LAMA2: variants seen among roughly 807,000 people sequenced by gnomAD.
LAMA2 encodes the protein laminin subunit alpha-2.
In LAMA2, 269 loss-of-function variants were observed where a neutral mutation model predicts 364.8. The observed-to-expected ratio is 0.74, with a 90% CI of 0.67 to 0.82. LAMA2 has a LOEUF of 0.82. Ranked by LOEUF, LAMA2 falls within the 40% of genes least tolerant of loss-of-function variation. The pLI, the probability that LAMA2 is intolerant of heterozygous loss-of-function variation, is 0.00. For missense variants in LAMA2, 3,807 were observed against 3,873.2 expected (o/e 0.98, Z 0.45); for synonymous variants, 1,379 against 1,370.6 (o/e 1.01, Z -0.14).
Position 129,366,221 on chromosome 6 carries a change from T to G in LAMA2, c.4720T>G (p.Cys1574Gly). 6.2e-7 allele frequency: 1 copy of G among 1,613,832 alleles called. No homozygotes were observed. Among genetic ancestry groups the G allele is most frequent in the Non-Finnish European group, 8.5e-7 (1 of 1,179,940 alleles). The change falls in exon 33 of 65, where the codon TGT becomes GGT. Residue 1574 changes from cysteine (C) to glycine (G), a missense_variant and splice_region_variant. Transcript: ENST00000421865. ...TCTTTGTCACTTCTCTTTCACAGTT[T>G]GTGGAGATGAGTGCACTGGCCTTCT... ...HAREGWECVF[C>G]GDECTGLLLG... is the part of the protein sequence containing the mutation.
At chr6:129,314,189 A>T (rs552078956) in intron 23 of LAMA2, among the ~76,000 whole-genome samples, 45 of 152,238 alleles carry the variant, frequency 3.0e-4, no homozygotes, top group African/African-American at 1.1e-3. Flanking sequence ...TCACGAGGTC[A>T]GGAGATCGAG....
chr6:129,209,831 A>G (rs1232494654), intron 12 of LAMA2, among the ~76,000 whole-genome samples: 1 of 151,792 alleles, frequency 6.6e-6, no homozygotes, highest in Non-Finnish European at 1.5e-5. Flanking sequence ...ATGAAATCCC[A>G]TCTCTACTAA....
chr6:129,201,761 G>A (rs1056097799), intron 12 of LAMA2, among the ~76,000 whole-genome samples: 2 of 152,224 alleles, frequency 1.3e-5, no homozygotes, highest in South Asian at 2.1e-4. Context: ...AACAAGCAGA[G>A]CATATAAGCC....
At chr6:129,340,910 G>T (rs1583533132) in intron 29 of LAMA2, among the ~76,000 whole-genome samples, 2 of 149,316 alleles carry the variant, frequency 1.3e-5, no homozygotes, top group East Asian at 3.9e-4. Context: ...TGGAAAACCA[G>T]ATTCATTTCA....
chr6:129,449,106 C>A (rs1782535978), intron 45 of LAMA2, among the ~76,000 whole-genome samples: 1 of 152,232 alleles, frequency 6.6e-6, no homozygotes, highest in South Asian at 2.1e-4. Flanking sequence ...ACAGTTTGGG[C>A]TAAGTGAATG....
intron 17 of LAMA2, among the ~76,000 whole-genome samples, chr6:129,279,736 A>G (rs1788583783): frequency 6.6e-6 from 1 of 152,214 alleles, no homozygotes; most frequent in African/African-American, 2.4e-5. Flanking sequence ...GTGAGGCTGC[A>G]TATGTGCCAG....
chr6:129,137,796 T>G (rs1285315672), intron 4 of LAMA2, among the ~76,000 whole-genome samples: 3 of 152,104 alleles, frequency 2.0e-5, no homozygotes, highest in Admixed American at 2.0e-4. Flanking sequence ...TAATATAGTA[T>G]GTACTGAAAT....
intron 4 of LAMA2, among the ~76,000 whole-genome samples, chr6:129,103,212 G>A (rs539503888): frequency 6.6e-6 from 1 of 152,280 alleles, no homozygotes; most frequent in Admixed American, 6.5e-5. Flanking sequence ...TATCCAGTTT[G>A]TCTAGTTGTT....
chr6:129,450,236 ATTGAG>A (rs1383656118), intron 45 of LAMA2, among the ~76,000 whole-genome samples: 2 of 151,782 alleles, frequency 1.3e-5, no homozygotes, highest in African/African-American at 4.8e-5. Flanking sequence ...TTACATTTAT[ATTGAG>A]TCATCTCTTC....
chr6:129,443,163 T>G, intron 44 of LAMA2, 95 bp downstream of exon 44: 6 of 890,282 alleles, frequency 6.7e-6, no homozygotes, highest in Non-Finnish European at 1.1e-5. Flanking sequence ...TATTTTGGTT[T>G]TGCTTTAAAC....
At chr6:129,043,756 T>C (rs905329946) in intron 1 of LAMA2, among the ~76,000 whole-genome samples, 1 of 152,212 alleles carries the variant, frequency 6.6e-6, no homozygotes, top group Non-Finnish European at 1.5e-5. Flanking sequence ...GTTATGTTCC[T>C]CTGAAGAGCA....
rs111265449 is a variant in LAMA2, at chr6:129,165,691, G to A, written c.1306+16G>A. 57 of 1,462,892 alleles carry A rather than the reference G, an allele frequency of 3.9e-5. No individual in the cohort carries two copies. The African/African-American group carries it at 6.6e-4, about 17-fold the overall frequency. 90.6% of individuals were successfully genotyped at this position (1,462,892 alleles called of 1,614,324 possible). A position where few individuals can be genotyped will look rare whatever the true frequency, so the allele number is the denominator to read the frequency against. On this transcript the variant is annotated intron_variant, in intron 9 of 64. Coordinates refer to ENST00000421865, the MANE Select transcript of LAMA2 (RefSeq NM_000426.4). Reference sequence around the variant, plus strand: ...GCTCGACGAGGTGAGAGCTGCAGCAGAATGTCACTGCTCTGATAAAAGGAC... The same window carrying A: ...GCTCGACGAGGTGAGAGCTGCAGCAAAATGTCACTGCTCTGATAAAAGGAC...
At chr6:129,182,508 T>C (rs575876712) in intron 10 of LAMA2, among the ~76,000 whole-genome samples, 35 of 151,978 alleles carry the variant, frequency 2.3e-4, no homozygotes, top group East Asian at 1.5e-3. Context: ...TTGTAGTGTT[T>C]CCTTTAATCT....
intron 40 of LAMA2, among the ~76,000 whole-genome samples, chr6:129,413,825 A>G (rs1421360430): frequency 1.3e-5 from 2 of 152,156 alleles, no homozygotes; most frequent in African/African-American, 4.8e-5. Flanking sequence ...AAGAACTGAT[A>G]CTAATTATCT....
At chr6:129,098,451 A>C in intron 4 of LAMA2, 36 bp downstream of exon 4, 4 of 1,610,780 alleles carry the variant, frequency 2.5e-6, no homozygotes, top group Non-Finnish European at 3.4e-6. Flanking sequence ...AGCACATTTG[A>C]TACGGTGAAA....
chr6:129,148,941 G>A, intron 6 of LAMA2, 38 bp from the exon 7 acceptor site: 1 of 1,341,926 alleles, frequency 7.5e-7, no homozygotes, highest in Non-Finnish European at 1.1e-6. Context: ...GGTTCTAAAT[G>A]AGGCTAAAAT....
intron 41 of LAMA2, among the ~76,000 whole-genome samples, chr6:129,428,697 G>A (rs748350773): frequency 1.5e-4 from 23 of 152,086 alleles, no homozygotes; most frequent in South Asian, 4.2e-4. Flanking sequence ...CTCCCGCCTC[G>A]GCCTCCCAAA....
intron 41 of LAMA2, among the ~76,000 whole-genome samples, chr6:129,429,815 G>C (rs2114744598): frequency 6.6e-6 from 1 of 152,258 alleles, no homozygotes; most frequent in South Asian, 2.1e-4. Flanking sequence ...AATAATACCA[G>C]GGCCGTGCCC....
At chr6:129,109,040 C>T (rs539204166) in intron 4 of LAMA2, among the ~76,000 whole-genome samples, 4 of 152,210 alleles carry the variant, frequency 2.6e-5, no homozygotes, top group Admixed American at 1.3e-4. Flanking sequence ...TAACTTCCTT[C>T]CAATATACCT....
Sources: gnomAD v4.1 joint callset for allele counts (sites outside exome capture counted in the v4.1 genomes callset) on GRCh38, gnomAD v4.1.1 for gene constraint, MANE v1.5 for transcripts, NCBI Gene and HGNC (gene_info 2026-07-23, HGNC 2026-07-21) for gene names.